Variants in ZNF638 observed in about 807,000 individuals in gnomAD.
ZNF638 encodes zinc finger protein 638, also known as CTCL tumor antigen se33-1.
ZNF638 carries 46 observed loss-of-function variants against 195.6 expected under a neutral mutation model. That is an observed-to-expected ratio of 0.24 (90% CI 0.19 to 0.30). The LOEUF is 0.30. Among genes scored for constraint, ZNF638 ranks in the 10% least tolerant of loss-of-function variants. The pLI, the probability that ZNF638 is intolerant of heterozygous loss-of-function variation, is 1.00. For missense variants in ZNF638, 2,440 were observed against 2,325.3 expected (o/e 1.05, Z -1.01); for synonymous variants, 845 against 772.0 (o/e 1.09, Z -1.57).
At chr2:71,410,631 T>TA (rs2080195542) in intron 20 of ZNF638, among the ~76,000 whole-genome samples, 1 of 152,176 alleles carries the variant, frequency 6.6e-6, no homozygotes, top group South Asian at 2.1e-4. Flanking sequence ...GTGGAGGAGA[T>TA]AGACTATAAA....
At chr2:71,418,785 C>G in intron 21 of ZNF638, 146 bp downstream of exon 21, 1 of 482,560 alleles carries the variant, frequency 2.1e-6, no homozygotes, top group South Asian at 6.1e-5. Context: ...TTACAGTTTT[C>G]TTTTTGGACT....
rs2080215108 is a variant in ZNF638, at chr2:71,411,240, T to G, written c.3261+2993T>G. 2.0e-5 allele frequency among the ~76,000 whole-genome samples: 3 copies of G among 150,868 alleles called. No individual in the cohort carries two copies. The South Asian group carries it at 6.3e-4, about 31-fold the overall frequency. On this transcript the variant is annotated intron_variant, in intron 20 of 27. Coordinates refer to ENST00000264447, the MANE Select transcript of ZNF638 (RefSeq NM_014497.5). Reference sequence around the variant, plus strand: ...GTCTCGAACTCCTGACCTCATGATCTGCCTGCCTCAGCCTTCCAAAGTGCT... The same window carrying G: ...GTCTCGAACTCCTGACCTCATGATCGGCCTGCCTCAGCCTTCCAAAGTGCT...
chr2:71,423,753 T>G lies in ZNF638; in HGVS notation c.4239T>G (p.Asn1413Lys). 1 of 1,613,832 alleles carries G rather than the reference T, an allele frequency of 6.2e-7. No homozygotes were observed. The highest frequency in any genetic ancestry group is 8.5e-7 in the Non-Finnish European group (1 of 1,179,998). The stretch of plus-strand genomic sequence containing the variant: ...AAGCTACAGTTTCAAAAACTGAAAA[T>G]CAGAAAAGTTTTCCAAAATCTGTGC... ...KAKATVSKTE[N>K]QKSFPKSVPR... is the part of the protein sequence containing the mutation. The change falls in exon 22 of 28, where the codon AAT becomes AAG. Residue 1413 changes from asparagine to lysine, a missense_variant. By Grantham distance (94) the Asn-to-Lys change is moderately conservative. Transcript: ENST00000264447.
rs545023536 is a variant in ZNF638, at chr2:71,381,741, T to C, written c.2377+1176T>C. On this transcript the variant is annotated intron_variant, in intron 10 of 27. Transcript: ENST00000264447. ...TTGAAAAAATAATTCACAGAACACA[T>C]TTTATGAAATCCTTCAGGAAAGAAA... Among the ~76,000 whole-genome samples, 26 of 152,262 alleles carry C rather than the reference T, an allele frequency of 1.7e-4. 1 individual carries two copies. Among genetic ancestry groups the C allele is most frequent in the African/African-American group, 6.3e-4 (26 of 41,570 alleles).
chr2:71,396,239 G>T, intron 11 of ZNF638, 48 bp downstream of exon 11: 1 of 1,517,464 alleles, frequency 6.6e-7, no homozygotes. Flanking sequence ...AAACTTTAAT[G>T]TATTTTAAAA....
At position 71,428,786 on chromosome 2, in the gene ZNF638, T is replaced by C. The variant is rs150300578; in HGVS notation, c.5650+135T>C. ...GGGTGGGAAAAGTCAACTATAGTTA[T>C]TAGATGTGGGTAACATTTTGATCTT... is the stretch of plus-strand genomic sequence containing the variant. On this transcript the variant is annotated intron_variant, in intron 25 of 27. Coordinates refer to ENST00000264447, the MANE Select transcript of ZNF638 (RefSeq NM_014497.5). 4.8e-5 allele frequency: 30 copies of C among 628,330 alleles called. No individual in the cohort carries two copies. The East Asian group carries it at 7.8e-4, about 16-fold the overall frequency. 38.9% of individuals were successfully genotyped at this position (628,330 alleles called of 1,614,324 possible).
At chr2:71,338,819 G>C (rs2078714854) in intron 1 of ZNF638, among the ~76,000 whole-genome samples, 1 of 152,112 alleles carries the variant, frequency 6.6e-6, no homozygotes, top group South Asian at 2.1e-4. Flanking sequence ...TTCAGTGTTA[G>C]ATATTTTTCT....
intron 8 of ZNF638, among the ~76,000 whole-genome samples, chr2:71,370,520 C>T (rs1485574716): frequency 6.6e-6 from 1 of 152,028 alleles, no homozygotes; most frequent in Non-Finnish European, 1.5e-5. Context: ...TTCATATGAT[C>T]GTAGATAATA....
At position 71,342,178 on chromosome 2, in the gene ZNF638, G is replaced by A. The variant is rs186214070; in HGVS notation, c.-202-6575G>A. ...GGAGGTTTCAGTGAGCTGAGGCTGCGTCACTGCACTCCAGCCTGGGTGACA... is the reference window on the plus strand; with the variant it reads ...GGAGGTTTCAGTGAGCTGAGGCTGCATCACTGCACTCCAGCCTGGGTGACA... On this transcript the variant is annotated intron_variant, in intron 1 of 27. Coordinates refer to ENST00000264447, the MANE Select transcript of ZNF638 (RefSeq NM_014497.5). 5.4e-3 allele frequency among the ~76,000 whole-genome samples: 709 copies of A among 130,112 alleles called. 4 individuals carry two copies. The highest frequency in any genetic ancestry group is 8.0e-3 in the Non-Finnish European group (520 of 64,998). The allele number at this position is 130,112 out of a possible 152,430, so 85.4% of individuals were successfully genotyped here.
intron 8 of ZNF638, among the ~76,000 whole-genome samples, chr2:71,372,765 A>G (rs2079337393): frequency 6.6e-6 from 1 of 152,218 alleles, no homozygotes; most frequent in African/African-American, 2.4e-5. Context: ...TTTTTCTACT[A>G]GCTGTGGAAT....
Position 71,363,841 on chromosome 2 carries a change from G to T in ZNF638, c.1419-113G>T. 3.1e-6 allele frequency: 4 copies of T among 1,294,776 alleles called. No individual in the cohort carries two copies. The East Asian group carries it at 1.0e-4, about 33-fold the overall frequency. The allele number at this position is 1,294,776 out of a possible 1,614,324, so 80.2% of individuals were successfully genotyped here. ...TTTGTTTTAAGTACATATCTTTTAT[G>T]AGAGTTTGGTATTGTTAACAGTCTG... On this transcript the variant is annotated intron_variant, in intron 4 of 27. Transcript: ENST00000264447.
intron 21 of ZNF638, among the ~76,000 whole-genome samples, chr2:71,420,196 G>C (rs1406907553): frequency 6.6e-6 from 1 of 151,378 alleles, no homozygotes; most frequent in Non-Finnish European, 1.5e-5. Context: ...CTGTGTAGCT[G>C]GTACTACATG....
At chr2:71,366,591 A>C (rs573392897) in intron 6 of ZNF638, among the ~76,000 whole-genome samples, 30 of 152,302 alleles carry the variant, frequency 2.0e-4, no homozygotes, top group African/African-American at 7.0e-4. Flanking sequence ...CTAGCTTCAC[A>C]AGCAGATCAC....
chr2:71,381,963 A>G (rs779474613), intron 10 of ZNF638, among the ~76,000 whole-genome samples: 9 of 152,130 alleles, frequency 5.9e-5, no homozygotes, highest in Non-Finnish European at 1.2e-4. Context: ...CTGAGAAAAA[A>G]CAGCTGGGCT....
intron 27 of ZNF638, among the ~76,000 whole-genome samples, chr2:71,434,215 G>A (rs2080721516): frequency 6.6e-6 from 1 of 152,126 alleles, no homozygotes; most frequent in African/African-American, 2.4e-5. Flanking sequence ...TCTCTGTTCT[G>A]TTTTTCATAC....
chr2:71,430,377 C>T (rs993942163), intron 25 of ZNF638, among the ~76,000 whole-genome samples: 4 of 152,006 alleles, frequency 2.6e-5, no homozygotes, highest in Non-Finnish European at 5.9e-5. Context: ...AAGGAAGATA[C>T]CTTTTTCTTA....
chr2:71,359,595 C>G (rs957216689), intron 3 of ZNF638, among the ~76,000 whole-genome samples: 6 of 152,342 alleles, frequency 3.9e-5, no homozygotes, highest in Admixed American at 2.6e-4. Flanking sequence ...CACCAACCAT[C>G]TAAGCATCCC....
chr2:71,352,508 AAAG>A (rs1412456382), intron 2 of ZNF638, among the ~76,000 whole-genome samples: 2 of 151,390 alleles, frequency 1.3e-5, no homozygotes, highest in Non-Finnish European at 3.0e-5. Flanking sequence ...AAAAAAAAAA[AAAG>A]AAGAGGAGGG....
chr2:71,401,345 A>G (rs979834225), intron 15 of ZNF638, among the ~76,000 whole-genome samples: 1 of 28,050 alleles, frequency 3.6e-5, no homozygotes, highest in Non-Finnish European at 6.4e-5. Flanking sequence ...GATGGCAGAA[A>G]ACAAAAGTGC....
Sources: allele counts gnomAD v4.1 joint callset (sites outside exome capture counted in the v4.1 genomes callset), GRCh38; gene constraint gnomAD v4.1.1; transcripts MANE v1.5; gene names NCBI Gene and HGNC (gene_info 2026-07-23, HGNC 2026-07-21).